Variants in ANO1 observed in about 807,000 individuals in gnomAD.
The protein encoded by ANO1 is anoctamin-1.
In ANO1, 59 loss-of-function variants were observed where a neutral mutation model predicts 124.0. That is an observed-to-expected ratio of 0.48 (90% CI 0.39 to 0.59). The LOEUF (loss-of-function observed/expected upper bound fraction) is 0.59, where lower values mean the gene tolerates loss of function less well. Among genes scored for constraint, ANO1 ranks in the 20% least tolerant of loss-of-function variants. The pLI is 0.00. For missense variants in ANO1, 1,059 were observed against 1,328.0 expected, an observed-to-expected ratio of 0.80 and a Z score of 3.15; for synonymous variants, 529 against 532.0, an observed-to-expected ratio of 0.99 and a Z score of 0.08.
intron 1 of ANO1, among the ~76,000 whole-genome samples, chr11:70,062,563 AGGGTTCAGGAGCT>A (rs1555007910): frequency 6.6e-6 from 1 of 151,938 alleles, no homozygotes; most frequent in Non-Finnish European, 1.5e-5. Flanking sequence ...GAGCTGGGGG[AGGGTTCAGGAGCT>A]GCTTTCCCTC....
At position 70,167,353 on chromosome 11, in the gene ANO1, C is replaced by T. The variant is rs751183752; in HGVS notation, c.2163C>T (p.Pro721=). The change falls in exon 21 of 26, where the codon CCC becomes CCT. Residue 721 remains proline, a synonymous_variant. Coordinates refer to ENST00000355303, the MANE Select transcript of ANO1 (RefSeq NM_018043.7). ...QRYEVDYNLE[P]FAGLTPEYME... The stretch of plus-strand genomic sequence containing the variant: ...ACGAGGTGGATTACAACCTGGAGCC[C>T]TTCGCGGGCCTCACCCCAGAGTACA... The T allele has an allele frequency of 3.1e-6, 5 of 1,613,204 alleles. No homozygotes were observed. In the South Asian group the frequency reaches 3.3e-5, roughly 11 times the overall value.
intron 1 of ANO1, among the ~76,000 whole-genome samples, chr11:70,082,221 T>TTCAG (rs1016312540): frequency 2.6e-5 from 4 of 152,110 alleles, no homozygotes; most frequent in African/African-American, 9.7e-5. Context: ...CCTGCATTCA[T>TTCAG]TCATTCATTC....
chr11:70,076,386 CT>C (rs2044057261), upstream of ANO1, among the ~76,000 whole-genome samples: 1 of 152,060 alleles, frequency 6.6e-6, no homozygotes, highest in Non-Finnish European at 1.5e-5. Flanking sequence ...CTTCCCAAAC[CT>C]TTGGGAGCAC....
At chr11:70,108,315 T>C in intron 5 of ANO1, 38 bp from the exon 6 acceptor site, 5 of 1,596,308 alleles carry the variant, frequency 3.1e-6, no homozygotes, top group Non-Finnish European at 4.3e-6. Flanking sequence ...GAAGGTGCCT[T>C]AAGTAACTGC....
intron 5 of ANO1, among the ~76,000 whole-genome samples, chr11:70,107,904 C>G (rs1353465142): frequency 6.6e-6 from 1 of 152,234 alleles, no homozygotes; most frequent in Non-Finnish European, 1.5e-5. Flanking sequence ...CCCACCACCA[C>G]CACCCCTGAT....
intron 1 of ANO1, 39 bp from the exon 2 acceptor site, chr11:70,087,713 A>G: frequency 6.6e-7 from 1 of 1,523,114 alleles, no homozygotes; most frequent in South Asian, 1.3e-5. Context: ...CATCACGAGC[A>G]GCTCGATGGT....
chr11:70,025,653 GTGA>G, intron 1 of ANO1, among the ~76,000 whole-genome samples: 1 of 149,242 alleles, frequency 6.7e-6, no homozygotes, highest in Non-Finnish European at 1.5e-5. Context: ...GGTGGTGATT[GTGA>G]TGATGACAAT....
At chr11:70,057,141 G>A (rs1381962749) in intron 1 of ANO1, among the ~76,000 whole-genome samples, 1 of 152,038 alleles carries the variant, frequency 6.6e-6, no homozygotes, top group Non-Finnish European at 1.5e-5. Context: ...TTGTTTCTGT[G>A]GTTCTTAATC....
In ANO1 at chr11:70,185,615, T is replaced by G. The variant is rs1186098600; in HGVS notation, c.2614T>G (p.Trp872Gly). 1 of 1,613,870 alleles carries G rather than the reference T, an allele frequency of 6.2e-7. No homozygotes were observed. Among genetic ancestry groups the G allele is most frequent in the South Asian group, 1.1e-5 (1 of 91,064 alleles). ...GTATAAAGACTACCGAGAGCCGCCG[T>G]GGTCGGAAAACAAGTACGACATCTC... is the stretch of plus-strand genomic sequence containing the variant. ...CRYKDYREPP[W>G]SENKYDISKD... Residue 872 changes from tryptophan to glycine, a missense_variant, in exon 25 of 26, where the codon TGG becomes GGG. Coordinates refer to ENST00000355303, the MANE Select transcript of ANO1 (RefSeq NM_018043.7).
Position 70,103,944 on chromosome 11 carries a change from C to T in ANO1, c.541-55C>T, listed in dbSNP as rs527508111. The T allele has an allele frequency of 1.6e-4, 248 of 1,563,818 alleles. 3 individuals carry two copies. Among genetic ancestry groups the T allele is most frequent in the South Asian group, 1.3e-3 (110 of 83,374 alleles). On this transcript the variant is annotated intron_variant, in intron 3 of 25. Coordinates refer to ENST00000355303, the MANE Select transcript of ANO1 (RefSeq NM_018043.7). Reference sequence around the variant, plus strand: ...TCTGACCATCCGAGAACAGATTCCACGGATCATGGTCCAGCAGGGTGACGC... The same window carrying T: ...TCTGACCATCCGAGAACAGATTCCATGGATCATGGTCCAGCAGGGTGACGC...
intron 6 of ANO1, among the ~76,000 whole-genome samples, chr11:70,110,106 G>C (rs955366136): frequency 6.6e-6 from 1 of 152,042 alleles, no homozygotes; most frequent in African/African-American, 2.4e-5. Flanking sequence ...AGGCCCTGCG[G>C]CAGGCAGCAC....
intron 1 of ANO1, 141 bp from the exon 2 acceptor site, chr11:70,087,611 T>C (rs2509133): frequency 0.49 from 368,466 of 752,214 alleles, 91,990 homozygotes; most frequent in African/African-American, 0.58. Context: ...CCTAGGACAG[T>C]GCCTGGCCCG....
intron 19 of ANO1, 96 bp from the exon 20 acceptor site, chr11:70,165,374 A>C: frequency 9.8e-7 from 1 of 1,018,086 alleles, no homozygotes. Context: ...TGGAGGACGC[A>C]GGTCAACCCA....
chr11:70,094,833 G>A (rs753062931), intron 2 of ANO1, among the ~76,000 whole-genome samples: 19 of 152,196 alleles, frequency 1.2e-4, no homozygotes, highest in Non-Finnish European at 2.5e-4. Context: ...CAGCTGAGGC[G>A]CGAAACAGAT....
intron 1 of ANO1, among the ~76,000 whole-genome samples, chr11:70,028,412 A>G (rs1484802294): frequency 6.6e-6 from 1 of 152,156 alleles, no homozygotes; most frequent in Non-Finnish European, 1.5e-5. Flanking sequence ...CCCAGGGACA[A>G]CATGCTGACT....
At chr11:70,101,542 G>A (rs1418084659) in intron 2 of ANO1, among the ~76,000 whole-genome samples, 9 of 129,324 alleles carry the variant, frequency 7.0e-5, no homozygotes. Context: ...GGAAACAAGA[G>A]TGAGACTCCA....
intron 2 of ANO1, among the ~76,000 whole-genome samples, chr11:70,095,163 G>A (rs1483318223): frequency 8.7e-5 from 13 of 150,274 alleles, no homozygotes; most frequent in Non-Finnish European, 1.0e-4. Flanking sequence ...CCAAGATCGC[G>A]CCACCACACT....
At chr11:70,066,281 G>T (rs80162286) in intron 1 of ANO1, among the ~76,000 whole-genome samples, 128 of 152,304 alleles carry the variant, frequency 8.4e-4, no homozygotes, top group African/African-American at 3.0e-3. Flanking sequence ...GCCCTCGTGG[G>T]CACTAAGGGT....
chr11:69,966,604 A>C, the ANO1 span, among the ~76,000 whole-genome samples: 7 of 152,046 alleles, frequency 4.6e-5, no homozygotes, highest in Non-Finnish European at 1.5e-5. Context: ...GCGATGGAAG[A>C]GCTGGCGATG....
Sources: allele counts gnomAD v4.1 joint callset (sites outside exome capture counted in the v4.1 genomes callset), GRCh38; gene constraint gnomAD v4.1.1; transcripts MANE v1.5; gene names NCBI Gene and HGNC (gene_info 2026-07-23, HGNC 2026-07-21).